The following PRR16 variants were observed in gnomAD, a reference collection of about 807,000 sequenced individuals.
PRR16 encodes the protein proline rich 16.
A neutral mutation model predicts 18.2 loss-of-function variants in PRR16; 6 were observed. The observed-to-expected ratio is 0.33, with a 90% CI of 0.18 to 0.65. The LOEUF (loss-of-function observed/expected upper bound fraction) is 0.65. Among genes scored for constraint, PRR16 ranks in the 30% least tolerant of loss-of-function variants. The probability of loss-of-function intolerance (pLI) is 0.74; values close to 1 mark genes in which losing one functional copy is unlikely to be tolerated. For missense variants in PRR16, 412 were observed against 376.6 expected, an observed-to-expected ratio of 1.09 and a Z score of -0.78; for synonymous variants, 151 against 147.8, an observed-to-expected ratio of 1.02 and a Z score of -0.16.
chr5:120,533,329 GACA>G (rs529962338), intron 1 of PRR16, among the ~76,000 whole-genome samples: 31 of 152,320 alleles, frequency 2.0e-4, no homozygotes, highest in African/African-American at 6.7e-4. Flanking sequence ...AAATTAAGCA[GACA>G]ACGATTCTAG....
At chr5:120,743,150 A>G in the PRR16 span, among the ~76,000 whole-genome samples, 1 of 150,400 alleles carries the variant, frequency 6.6e-6, no homozygotes, top group Non-Finnish European at 1.5e-5. Context: ...CAACTCCCAC[A>G]CTCTTTTCTC....
the PRR16 span, among the ~76,000 whole-genome samples, chr5:120,775,839 G>A: frequency 4.3e-3 from 588 of 136,756 alleles, 3 homozygotes; most frequent in African/African-American, 0.016. Flanking sequence ...GTAGAGATGG[G>A]GTTTCACCAT....
the PRR16 span, among the ~76,000 whole-genome samples, chr5:120,753,862 CTTATATA>C: frequency 1.0e-4 from 7 of 69,300 alleles, no homozygotes; most frequent in East Asian, 1.3e-3. Flanking sequence ...TATATAATAT[CTTATATA>C]TTATATATTT....
chr5:120,714,624 C>A, the PRR16 span, among the ~76,000 whole-genome samples: 1 of 152,080 alleles, frequency 6.6e-6, no homozygotes, highest in Non-Finnish European at 1.5e-5. Flanking sequence ...TTTGATCCAG[C>A]AATTCCATTA....
intron 1 of PRR16, among the ~76,000 whole-genome samples, chr5:120,497,451 C>T (rs188010277): frequency 3.5e-3 from 442 of 128,058 alleles, no homozygotes; most frequent in South Asian, 0.015. Context: ...AGTGCAATGG[C>T]GTGATCTTGG....
intron 1 of PRR16, among the ~76,000 whole-genome samples, chr5:120,561,018 C>T (rs1359059396): frequency 2.0e-5 from 3 of 151,952 alleles, no homozygotes; most frequent in Non-Finnish European, 4.4e-5. Context: ...TCTCTTCATT[C>T]TTGATTAGTC....
the PRR16 span, among the ~76,000 whole-genome samples, chr5:120,780,832 G>C: frequency 2.0e-5 from 3 of 152,182 alleles, no homozygotes; most frequent in East Asian, 5.8e-4. Context: ...GGGGGGAATC[G>C]CGAGGTCAGG....
chr5:120,694,587 G>A, the PRR16 span, among the ~76,000 whole-genome samples: 1 of 151,690 alleles, frequency 6.6e-6, no homozygotes, highest in Non-Finnish European at 1.5e-5. Context: ...GGGAGGCTGA[G>A]GCAGGAGAAT....
chr5:120,784,870 C>A, the PRR16 span, among the ~76,000 whole-genome samples: 1 of 152,134 alleles, frequency 6.6e-6, no homozygotes, highest in Non-Finnish European at 1.5e-5. Context: ...TCATTATGAC[C>A]AGGACAGGAA....
At chr5:120,555,411 G>A (rs532662421) in intron 1 of PRR16, among the ~76,000 whole-genome samples, 2 of 151,932 alleles carry the variant, frequency 1.3e-5, no homozygotes, top group African/African-American at 2.4e-5. Flanking sequence ...GAGCAAGAAA[G>A]TTCCAAGTCA....
chr5:120,627,826 A>T (rs1754916758), intron 1 of PRR16, among the ~76,000 whole-genome samples: 1 of 152,098 alleles, frequency 6.6e-6, no homozygotes. Flanking sequence ...TCCATTTCTT[A>T]TGGACTCAAC....
At chr5:120,778,818 G>A in the PRR16 span, among the ~76,000 whole-genome samples, 1 of 152,150 alleles carries the variant, frequency 6.6e-6, no homozygotes, top group Non-Finnish European at 1.5e-5. Flanking sequence ...AAGAAGTGGG[G>A]TTTTGTAAAG....
At chr5:120,696,991 A>G in the PRR16 span, among the ~76,000 whole-genome samples, 1 of 152,044 alleles carries the variant, frequency 6.6e-6, no homozygotes, top group African/African-American at 2.4e-5. Flanking sequence ...ATAAAAAGTT[A>G]GGCCCTTAAA....
chr5:120,473,797 AG>A (rs2112801406), intron 1 of PRR16, among the ~76,000 whole-genome samples: 1 of 152,304 alleles, frequency 6.6e-6, no homozygotes, highest in East Asian at 1.9e-4. Flanking sequence ...AATAAACACT[AG>A]TTTACATCAA....
Position 120,469,990 on chromosome 5 carries a change from A to G in PRR16, c.159+5345A>G, listed in dbSNP as rs949526886. On this transcript the variant is annotated intron_variant, in intron 1 of 1. Coordinates refer to ENST00000407149, the MANE Select transcript of PRR16 (RefSeq NM_001300783.2). ...TAATAGATAATAAAGCCAGTGTAATAGGTTTCATTATTACCTGGATTATGT... is the reference window on the plus strand; with the variant it reads ...TAATAGATAATAAAGCCAGTGTAATGGGTTTCATTATTACCTGGATTATGT... Among the ~76,000 whole-genome samples the G allele has an allele frequency of 9.2e-5, 14 of 152,208 alleles. No individual in the cohort carries two copies. In the East Asian group the frequency reaches 2.5e-3, roughly 27 times the overall value.
Position 120,548,775 on chromosome 5 carries a change from T to C in PRR16, c.159+84130T>C, listed in dbSNP as rs536999838. On this transcript the variant is annotated intron_variant, in intron 1 of 1. Coordinates refer to ENST00000407149, the MANE Select transcript of PRR16 (RefSeq NM_001300783.2). ...GTCTGACTTGCTATTGGCCAAGAGGTGACTAAGGAATCAGGGAACAGACAG... is the reference window on the plus strand; with the variant it reads ...GTCTGACTTGCTATTGGCCAAGAGGCGACTAAGGAATCAGGGAACAGACAG... Among the ~76,000 whole-genome samples the C allele has an allele frequency of 3.3e-5, 5 of 152,080 alleles. No individual in the cohort carries two copies. In the East Asian group the frequency reaches 5.8e-4, roughly 18 times the overall value.
At chr5:120,689,067 C>G (rs932228608), downstream of PRR16, among the ~76,000 whole-genome samples, 3 of 152,098 alleles carry the variant, frequency 2.0e-5, no homozygotes, top group African/African-American at 7.2e-5. Flanking sequence ...TACCATCCCC[C>G]AAATGTTATA....
At chr5:120,489,969 G>A (rs1749966520) in intron 1 of PRR16, among the ~76,000 whole-genome samples, 1 of 152,122 alleles carries the variant, frequency 6.6e-6, no homozygotes, top group Non-Finnish European at 1.5e-5. Flanking sequence ...TAAGAATGTT[G>A]AATATTGGCC....
At chr5:120,794,400 G>A in the PRR16 span, among the ~76,000 whole-genome samples, 1 of 151,976 alleles carries the variant, frequency 6.6e-6, no homozygotes, top group Admixed American at 6.6e-5. Context: ...GTGTCTCTAT[G>A]TCATGTTTTG....
Sources: allele counts gnomAD v4.1 joint callset (sites outside exome capture counted in the v4.1 genomes callset), GRCh38; gene constraint gnomAD v4.1.1; transcripts MANE v1.5; gene names NCBI Gene and HGNC (gene_info 2026-07-23, HGNC 2026-07-21).